Variants in SNAP47 observed in about 807,000 individuals in gnomAD.
The protein encoded by SNAP47 is synaptosomal-associated protein 47.
SNAP47 carries 20 observed loss-of-function variants against 31.4 expected under a neutral mutation model. The ratio of observed to expected loss-of-function variants is 0.64; its 90% confidence interval spans 0.45 to 0.93. The LOEUF (loss-of-function observed/expected upper bound fraction) is 0.93. Ranked by LOEUF, SNAP47 falls within the 40% of genes least tolerant of loss-of-function variation. The pLI, the probability that SNAP47 is intolerant of heterozygous loss-of-function variation, is 0.00. For missense variants in SNAP47, 492 were observed against 528.5 expected, an observed-to-expected ratio of 0.93 and a Z score of 0.68; for synonymous variants, 194 against 213.4, an observed-to-expected ratio of 0.91 and a Z score of 0.79.
rs569157648 is a variant in SNAP47, at chr1:227,762,271, A to T, written c.988+2786A>T. Among the ~76,000 whole-genome samples the T allele has an allele frequency of 1.3e-5, 2 of 152,166 alleles. No individual in the cohort carries two copies. Among genetic ancestry groups the T allele is most frequent in the Non-Finnish European group, 2.9e-5 (2 of 68,018 alleles). Reference sequence around the variant, plus strand: ...GCCTGTCCAGGTAAGTGCTGGTCTCATGGGGGCAGCTGTGCCTCCAGAGGG... The same window carrying T: ...GCCTGTCCAGGTAAGTGCTGGTCTCTTGGGGGCAGCTGTGCCTCCAGAGGG... On this transcript the variant is annotated intron_variant, in intron 3 of 4. Transcript: ENST00000617596. The surrounding 1 kb of genome is among the most constrained non-coding windows in gnomAD (Gnocchi z 4.2).
intron 4 of SNAP47, among the ~76,000 whole-genome samples, chr1:227,773,399 G>T (rs543366538): frequency 6.6e-6 from 1 of 152,276 alleles, no homozygotes; most frequent in African/African-American, 2.4e-5. Context: ...TATTACAGAA[G>T]AGTCAGAGTT....
In SNAP47 at chr1:227,772,535, A is replaced by G. The variant is rs1663887950; in HGVS notation, c.1113+5452A>G. The stretch of plus-strand genomic sequence containing the variant: ...TGTTTCCTCCTTTGGGCTGCTATGG[A>G]GAATGCCGCTGTAAGCGTTCACGTG... On this transcript the variant is annotated intron_variant, in intron 4 of 4. Transcript: ENST00000617596. Among the ~76,000 whole-genome samples the G allele has an allele frequency of 2.0e-5, 3 of 152,066 alleles. No individual in the cohort carries two copies. In the South Asian group the frequency reaches 6.2e-4, roughly 32 times the overall value.
intron 2 of SNAP47, among the ~76,000 whole-genome samples, chr1:227,757,785 A>G (rs1487432120): frequency 1.3e-5 from 2 of 152,262 alleles, no homozygotes. Context: ...GCCACATTCA[A>G]CTGGAAGTTA....
intron 4 of SNAP47, chr1:227,776,047 A>G: frequency 8.4e-7 from 1 of 1,196,044 alleles, no homozygotes; most frequent in Non-Finnish European, 1.1e-6. Context: ...AGTGTCAGCC[A>G]CGCATCAGTT....
Position 227,763,410 on chromosome 1 carries a change from A to C in SNAP47, c.989-3549A>C, listed in dbSNP as rs1663187150. Among the ~76,000 whole-genome samples, 1 of 152,198 alleles carries C rather than the reference A, an allele frequency of 6.6e-6. No individual in the cohort carries two copies. The highest frequency in any genetic ancestry group is 2.4e-5 in the African/African-American group (1 of 41,448). On this transcript the variant is annotated intron_variant, in intron 3 of 4. Coordinates refer to ENST00000617596, the MANE Select transcript of SNAP47 (RefSeq NM_053052.4). This position sits in a 1 kb window ranked among gnomAD's most constrained non-coding sequence, Gnocchi z 4.2. Reference sequence around the variant, plus strand: ...GCCGTGTGTCTGTCTGCACAGCAGCACCAGCAGCAGGACAGGGCAGGAGGC... The same window carrying C: ...GCCGTGTGTCTGTCTGCACAGCAGCCCCAGCAGCAGGACAGGGCAGGAGGC...
At chr1:227,780,222 C>T (rs1210300156) in intron 4 of SNAP47, among the ~76,000 whole-genome samples, 1 of 152,176 alleles carries the variant, frequency 6.6e-6, no homozygotes, top group Non-Finnish European at 1.5e-5. Context: ...CAAGGTCAGC[C>T]AAACAGAGCA....
chr1:227,778,613 C>T (rs1035144086), intron 4 of SNAP47, among the ~76,000 whole-genome samples: 4 of 152,160 alleles, frequency 2.6e-5, no homozygotes, highest in African/African-American at 9.7e-5. Context: ...GCAATGCCCT[C>T]AGGATCACAC....
At position 227,735,495 on chromosome 1, in the gene SNAP47, C is replaced by T. The variant is rs572949268; in HGVS notation, c.-50C>T. 68 of 1,409,012 alleles carry T rather than the reference C, an allele frequency of 4.8e-5. No individual in the cohort carries two copies. The African/African-American group carries it at 8.3e-4, about 17-fold the overall frequency. The allele number at this position is 1,409,012 out of a possible 1,614,324, so 87.3% of individuals were successfully genotyped here. On this transcript the variant is annotated 5_prime_UTR_variant, in exon 1 of 5. Coordinates refer to ENST00000617596, the MANE Select transcript of SNAP47 (RefSeq NM_053052.4). Reference sequence around the variant, plus strand: ...CGGCTCTGGGACTCGTCTGGCGTCCCTCAGGTGAGCGACGGTGTTGGTCTG... The same window carrying T: ...CGGCTCTGGGACTCGTCTGGCGTCCTTCAGGTGAGCGACGGTGTTGGTCTG...
At chr1:227,776,132 C>T (rs894603541) in intron 4 of SNAP47, 59 of 1,161,356 alleles carry the variant, frequency 5.1e-5, no homozygotes, top group Middle Eastern at 4.0e-4. Flanking sequence ...CTGGCTCTGA[C>T]GCCCTCAGCG....
At chr1:227,761,230 C>CTGT (rs1488171940) in intron 3 of SNAP47, among the ~76,000 whole-genome samples, 2 of 152,166 alleles carry the variant, frequency 1.3e-5, no homozygotes, top group African/African-American at 4.8e-5. Flanking sequence ...TTCCTATAAC[C>CTGT]TGTTTCTCTA....
chr1:227,752,876 C>T (rs1662465802), intron 2 of SNAP47, among the ~76,000 whole-genome samples: 2 of 152,184 alleles, frequency 1.3e-5, no homozygotes, highest in Non-Finnish European at 2.9e-5. Context: ...TGGTCAATGC[C>T]TTGTGGCCTT....
rs1008106380 is a variant in SNAP47 at position 227,780,935 on chromosome 1, C to A, written c.*262C>A. ...TGCAGAAGTGTGGACCATGGCGGGA[C>A]CCCAAGGACACTTGGCACAGGCCTG... is the stretch of plus-strand genomic sequence containing the variant. On this transcript the variant is annotated 3_prime_UTR_variant, in exon 5 of 5. Coordinates refer to ENST00000617596, the MANE Select transcript of SNAP47 (RefSeq NM_053052.4). The A allele has an allele frequency of 1.4e-5, 7 of 504,104 alleles. No homozygotes were observed. Among genetic ancestry groups the A allele is most frequent in the African/African-American group, 9.6e-5 (5 of 51,838 alleles). 31.2% of individuals were successfully genotyped at this position (504,104 alleles called of 1,614,324 possible).
At chr1:227,779,943 G>A (rs1193523597) in intron 4 of SNAP47, among the ~76,000 whole-genome samples, 1 of 152,174 alleles carries the variant, frequency 6.6e-6, no homozygotes, top group African/African-American at 2.4e-5. Flanking sequence ...CACCCCCACG[G>A]TGCTGGCTGC....
chr1:227,730,451 T>C (rs980690220), upstream of SNAP47: 1 of 143,956 alleles, frequency 6.9e-6, no homozygotes, highest in Admixed American at 7.0e-5. Context: ...CAATCTGGAG[T>C]GAGGTATGCA....
At chr1:227,732,914 C>A, upstream of SNAP47, 1 of 1,612,982 alleles carries the variant, frequency 6.2e-7, no homozygotes, top group Non-Finnish European at 8.5e-7. Flanking sequence ...GCATGGAGTC[C>A]CTCCACTCGC....
chr1:227,745,490 A>C (rs1288848997), intron 1 of SNAP47, among the ~76,000 whole-genome samples: 1 of 152,232 alleles, frequency 6.6e-6, no homozygotes. Context: ...ACTTAGTGGC[A>C]TCAGAGAGCA....
upstream of SNAP47, chr1:227,735,399 G>A (rs1204505683): frequency 1.7e-5 from 27 of 1,570,132 alleles, no homozygotes; most frequent in Non-Finnish European, 2.2e-5. Flanking sequence ...TGGGGCTCCG[G>A]GCCTGCACGC....
At position 227,762,411 on chromosome 1, in the gene SNAP47, G is replaced by C. The variant is rs975460181; in HGVS notation, c.988+2926G>C. ...GAGCTCAGTAGTCTGTGGGGCACTT[G>C]TGGCTCTGAGGCCTTGCCTCTGCCT... On this transcript the variant is annotated intron_variant, in intron 3 of 4. Coordinates refer to ENST00000617596, the MANE Select transcript of SNAP47 (RefSeq NM_053052.4). The surrounding 1 kb of genome is among the most constrained non-coding windows in gnomAD (Gnocchi z 4.2). Among the ~76,000 whole-genome samples, 1 of 152,234 alleles carries C rather than the reference G, an allele frequency of 6.6e-6. No homozygotes were observed. Among genetic ancestry groups the C allele is most frequent in the South Asian group, 2.1e-4 (1 of 4,834 alleles).
intron 1 of SNAP47, 116 bp downstream of exon 1, chr1:227,735,615 CG>C: frequency 1.5e-6 from 2 of 1,322,326 alleles, no homozygotes; most frequent in Non-Finnish European, 9.6e-7. Flanking sequence ...CCCGCATCCC[CG>C]GGGGGTGGGG....
Sources: gnomAD v4.1 joint callset for allele counts (sites outside exome capture counted in the v4.1 genomes callset) on GRCh38, gnomAD v4.1.1 for gene constraint, Gnocchi (gnomAD v3.1) non-coding constraint, MANE v1.5 for transcripts, NCBI Gene and HGNC (gene_info 2026-07-23, HGNC 2026-07-21) for gene names.